The following WNK3 variants were observed in gnomAD, a reference collection of about 807,000 sequenced individuals.
The protein encoded by WNK3 is WNK lysine deficient protein kinase 3, also known as serine/threonine-protein kinase WNK3.
A neutral mutation model predicts 116.7 loss-of-function variants in WNK3; 18 were observed. The ratio of observed to expected loss-of-function variants is 0.15; its 90% CI spans 0.11 to 0.23. WNK3 has a LOEUF of 0.23. WNK3 is among the 10% of genes least tolerant of loss of function. The pLI is 1.00. For missense variants in WNK3, 993 were observed against 1,323.8 expected (o/e 0.75, Z 3.88); for synonymous variants, 404 against 469.4 (o/e 0.86, Z 1.80).
chrX:54,224,771 A>G (rs897422820), intron 22 of WNK3, among the ~76,000 whole-genome samples: 40 of 110,202 alleles, frequency 3.6e-4, no homozygotes, highest in Non-Finnish European at 5.9e-4. Context: ...GGGTTTCACC[A>G]TGTTAGCCAG....
intron 17 of WNK3, among the ~76,000 whole-genome samples, chrX:54,244,138 A>G (rs1482109792): frequency 9.0e-6 from 1 of 111,699 alleles, no homozygotes; most frequent in Non-Finnish European, 1.9e-5. Flanking sequence ...GGTGATGAAA[A>G]AGTTCTGGAA....
chrX:54,213,571 A>C lies in WNK3; in HGVS notation c.4871-11378T>G, dbSNP rs782250014. Among the ~76,000 whole-genome samples, 336 of 99,488 alleles carry C rather than the reference A, an allele frequency of 3.4e-3. 10 individuals carry two copies. The highest frequency in any genetic ancestry group is 0.031 in the East Asian group (101 of 3,301). The allele number at this position is 99,488 out of a possible 115,157, so 86.4% of individuals were successfully genotyped here. ...TCCGTCTCAAAAAAAAAAACAAACA[A>C]AAAAAAAAAAACTAGGGGAAAAAAA... On this transcript the variant is annotated intron_variant, in intron 22 of 23. Transcript: ENST00000354646.
chrX:54,237,760 G>A (rs902435093), intron 19 of WNK3, among the ~76,000 whole-genome samples: 11 of 111,348 alleles, frequency 9.9e-5, no homozygotes, highest in Non-Finnish European at 1.9e-4. Context: ...TCTAAAGGAC[G>A]TGAAATTACA....
At chrX:54,284,809 A>G (rs901105518) in intron 10 of WNK3, among the ~76,000 whole-genome samples, 1 of 110,522 alleles carries the variant, frequency 9.0e-6, no homozygotes, top group Non-Finnish European at 1.9e-5. Flanking sequence ...CGTCTCTACT[A>G]AAAATACAAA....
chrX:54,289,423 G>A (rs1557164570), intron 10 of WNK3, among the ~76,000 whole-genome samples: 2 of 111,016 alleles, frequency 1.8e-5, no homozygotes, highest in Non-Finnish European at 1.9e-5. Flanking sequence ...CCCTGGAAGT[G>A]TGTTGAACAG....
intron 6 of WNK3, among the ~76,000 whole-genome samples, chrX:54,298,638 G>A (rs1557166860): frequency 9.0e-6 from 1 of 111,525 alleles, no homozygotes; most frequent in East Asian, 2.8e-4. Flanking sequence ...ACATGCATAC[G>A]GAGTGACTTC....
chrX:54,348,124 A>ATGTGTG lies in WNK3; in HGVS notation c.-120+9556_-120+9561dup, dbSNP rs781868512. ...TAACATTGTAGATTTCATTGTATAT[A>ATGTGTG]TGTGTGTGTGTGTGTGTGTGTGTGT... On this transcript the variant is annotated intron_variant, in intron 1 of 23. Coordinates refer to ENST00000354646, the Ensembl canonical transcript of WNK3. Among the ~76,000 whole-genome samples the ATGTGTG allele has an allele frequency of 6.5e-3, 667 of 102,907 alleles. 6 individuals carry two copies. Among genetic ancestry groups the ATGTGTG allele is most frequent in the African/African-American group, 0.022 (604 of 27,959 alleles). The allele number at this position is 102,907 out of a possible 115,157, so 89.4% of individuals were successfully genotyped here.
intron 2 of WNK3, among the ~76,000 whole-genome samples, chrX:54,318,764 A>C (rs1003523652): frequency 8.1e-5 from 9 of 110,669 alleles, no homozygotes; most frequent in Non-Finnish European, 1.5e-4. Context: ...ATGCTTTACT[A>C]TCTGGCCTAA....
intron 2 of WNK3, among the ~76,000 whole-genome samples, chrX:54,325,248 A>G (rs1557173038): frequency 9.0e-6 from 1 of 111,564 alleles, no homozygotes; most frequent in Non-Finnish European, 1.9e-5. Context: ...AGTGCTATTC[A>G]AAGGTCTGTT....
intron 10 of WNK3, among the ~76,000 whole-genome samples, chrX:54,281,913 T>C: frequency 8.9e-6 from 1 of 111,898 alleles, no homozygotes; most frequent in Middle Eastern, 4.6e-3. Flanking sequence ...AAAGCTGCAA[T>C]GAACATGAGG....
In WNK3 at chrX:54,293,107, A is replaced by G. The variant is rs782814821; in HGVS notation, c.1887+27T>C. Reference sequence around the variant, plus strand: ...TTTACAGTAAATACACTGATTATATATTTAAAAATATAACAGTTCACCTCA... The same window carrying G: ...TTTACAGTAAATACACTGATTATATGTTTAAAAATATAACAGTTCACCTCA... On this transcript the variant is annotated intron_variant, in intron 9 of 23. Coordinates refer to ENST00000354646, the Ensembl canonical transcript of WNK3. 42 of 1,179,807 alleles carry G rather than the reference A, an allele frequency of 3.6e-5. No individual in the cohort carries two copies. In the Middle Eastern group the frequency reaches 9.2e-4, roughly 26 times the overall value.
chrX:54,245,076 CT>C (rs2068060699), intron 17 of WNK3, among the ~76,000 whole-genome samples: 1 of 110,944 alleles, frequency 9.0e-6, no homozygotes. Context: ...CCAGTCTCCC[CT>C]GGAAGATATC....
At chrX:54,213,485 T>C (rs1456825692) in intron 22 of WNK3, among the ~76,000 whole-genome samples, 5 of 93,827 alleles carry the variant, frequency 5.3e-5, no homozygotes, top group Non-Finnish European at 1.0e-4. Context: ...AACCGGGAAG[T>C]GGAGGTTGCA....
At chrX:54,258,041 G>T (rs2068214237) in intron 11 of WNK3, among the ~76,000 whole-genome samples, 1 of 108,958 alleles carries the variant, frequency 9.2e-6, no homozygotes, top group Non-Finnish European at 1.9e-5. Flanking sequence ...ACTCTGGGAG[G>T]CCGAGGCGGG....
chrX:54,227,680 A>T (rs2067857841), intron 22 of WNK3, among the ~76,000 whole-genome samples: 1 of 112,361 alleles, frequency 8.9e-6, no homozygotes, highest in Admixed American at 9.4e-5. Flanking sequence ...AAACAACACA[A>T]ATGTGTAATC....
At chrX:54,270,209 G>C (rs900344594) in intron 10 of WNK3, among the ~76,000 whole-genome samples, 1 of 109,785 alleles carries the variant, frequency 9.1e-6, no homozygotes, top group Non-Finnish European at 1.9e-5. Flanking sequence ...AGGTTCAAGC[G>C]ATTATCCTGC....
chrX:54,223,036 AAG>A (rs1285826508), intron 22 of WNK3, among the ~76,000 whole-genome samples: 3 of 106,544 alleles, frequency 2.8e-5, no homozygotes, highest in African/African-American at 1.0e-4. Context: ...TGAGGAAAAA[AAG>A]AAAAAAATCG....
rs181179388 is a variant in WNK3, at chrX:54,214,230, G to A, written c.4871-12037C>T. ...ACTCCTGACCTCAGATGATCCTCCCGCCTTGGCCTCCCAAAGTGCTTGGAT... is the reference window on the plus strand; with the variant it reads ...ACTCCTGACCTCAGATGATCCTCCCACCTTGGCCTCCCAAAGTGCTTGGAT... On this transcript the variant is annotated intron_variant, in intron 22 of 23. Coordinates refer to ENST00000354646, the Ensembl canonical transcript of WNK3. 1.4e-4 allele frequency among the ~76,000 whole-genome samples: 16 copies of A among 111,218 alleles called. No individual in the cohort carries two copies. In the East Asian group the frequency reaches 4.3e-3, roughly 30 times the overall value.
intron 10 of WNK3, among the ~76,000 whole-genome samples, chrX:54,267,768 CT>C (rs2068331371): frequency 9.1e-6 from 1 of 109,998 alleles, no homozygotes; most frequent in South Asian, 4.0e-4. Context: ...TGCACTCCAG[CT>C]TGGGTAACAG....
Sources: gnomAD v4.1 joint callset for allele counts (sites outside exome capture counted in the v4.1 genomes callset) on GRCh38, gnomAD v4.1.1 for gene constraint, MANE v1.5 for transcripts, NCBI Gene and HGNC (gene_info 2026-07-23, HGNC 2026-07-21) for gene names.